DACH2: variants seen among roughly 807,000 people sequenced by gnomAD.
The protein encoded by DACH2 is dachshund family transcription factor 2.
In DACH2, 17 loss-of-function variants were observed where a neutral mutation model predicts 35.8. The ratio of observed to expected loss-of-function variants is 0.48; its 90% CI spans 0.33 to 0.71. The LOEUF (loss-of-function observed/expected upper bound fraction) is 0.71, where lower values mean the gene tolerates loss of function less well. DACH2 is among the 30% of genes least tolerant of loss of function. DACH2 has a pLI of 0.02. For synonymous variants in DACH2, 195 were observed against 177.3 expected (o/e 1.10, Z -0.79); for missense variants, 469 against 472.7 (o/e 0.99, Z 0.07).
chrX:86,327,081 C>T (rs965372556), intron 1 of DACH2, among the ~76,000 whole-genome samples: 3 of 111,308 alleles, frequency 2.7e-5, no homozygotes, highest in African/African-American at 9.8e-5. Context: ...GTAATTACAC[C>T]CACCCTGAGG....
Position 86,148,462 on chromosome X carries a change from A to C in DACH2, c.-159A>C. 1.0e-5 allele frequency: 6 copies of C among 587,076 alleles called. No individual in the cohort carries two copies. The highest frequency in any genetic ancestry group is 1.5e-5 in the Non-Finnish European group (6 of 388,009). The allele number at this position is 587,076 out of a possible 1,213,427, so 48.4% of individuals were successfully genotyped here. ...GGTCGGGGCTGCTCACTGTTTGTTGAGCTTGAGCGTGAGCCGGCTGCTGAA... is the reference window on the plus strand; with the variant it reads ...GGTCGGGGCTGCTCACTGTTTGTTGCGCTTGAGCGTGAGCCGGCTGCTGAA... On this transcript the variant is annotated 5_prime_UTR_variant, in exon 1 of 12. Coordinates refer to ENST00000373125, the MANE Select transcript of DACH2 (RefSeq NM_053281.3).
At chrX:86,693,624 A>G (rs1457808092) in intron 4 of DACH2, among the ~76,000 whole-genome samples, 2 of 112,391 alleles carry the variant, frequency 1.8e-5, no homozygotes, top group African/African-American at 6.5e-5. Context: ...AGGAATGCCA[A>G]TTGGGCCTGA....
chrX:86,547,170 CAGAG>C (rs1289880531), intron 3 of DACH2, among the ~76,000 whole-genome samples: 63 of 111,361 alleles, frequency 5.7e-4, no homozygotes, highest in African/African-American at 2.0e-3. Context: ...TTTGACATGT[CAGAG>C]AGAATCCCGA....
At position 86,451,869 on chromosome X, in the gene DACH2, A is replaced by G. The variant is rs1044246284; in HGVS notation, c.528-62410A>G. ...CTCTTGCCTGTTTGATCTGTCCGGA[A>G]CTTCCAATACTATGTTCAATAAAAG... On this transcript the variant is annotated intron_variant, in intron 2 of 11. Coordinates refer to ENST00000373125, the MANE Select transcript of DACH2 (RefSeq NM_053281.3). 2.7e-5 allele frequency among the ~76,000 whole-genome samples: 3 copies of G among 111,110 alleles called. No individual in the cohort carries two copies. In the Admixed American group the frequency reaches 2.9e-4, roughly 11 times the overall value.
chrX:86,208,049 G>A (rs1473752266), intron 1 of DACH2, among the ~76,000 whole-genome samples: 2 of 110,779 alleles, frequency 1.8e-5, no homozygotes, highest in Non-Finnish European at 3.8e-5. Flanking sequence ...ATCCCAGCAG[G>A]TTAAGCATTT....
At chrX:86,634,868 C>G (rs906619898) in intron 3 of DACH2, among the ~76,000 whole-genome samples, 15 of 111,539 alleles carry the variant, frequency 1.3e-4, no homozygotes, top group African/African-American at 4.9e-4. Flanking sequence ...CTGCCCAAAG[C>G]AATCTACAGA....
In DACH2 at chrX:86,282,774, C is replaced by CTTTTTTTTT. The variant is rs746321715; in HGVS notation, c.489-94037_489-94029dup. ...GGGCAAATGCTATGAACAGACACTT[C>CTTTTTTTTT]TTTTTTTTTTTTTTTTTTTTTGAGA... is the stretch of plus-strand genomic sequence containing the variant. On this transcript the variant is annotated intron_variant, in intron 1 of 11. Transcript: ENST00000373125. Among the ~76,000 whole-genome samples the CTTTTTTTTT allele has an allele frequency of 5.6e-4, 21 of 37,725 alleles. 5 individuals carry two copies. In the African/African-American group the frequency reaches 6.4e-3, roughly 11 times the overall value. 32.8% of individuals were successfully genotyped at this position (37,725 alleles called of 115,157 possible).
chrX:86,475,963 T>C (rs1399048311), intron 2 of DACH2, among the ~76,000 whole-genome samples: 1 of 112,536 alleles, frequency 8.9e-6, no homozygotes, highest in Non-Finnish European at 1.9e-5. Flanking sequence ...ATTCTGTTGA[T>C]ACGATGTACC....
chrX:86,458,315 G>A (rs2037510875), intron 2 of DACH2, among the ~76,000 whole-genome samples: 1 of 111,791 alleles, frequency 8.9e-6, no homozygotes, highest in Admixed American at 9.5e-5. Flanking sequence ...TTCATGATAG[G>A]AATTGTGTCC....
chrX:86,469,407 G>T (rs766472136), intron 2 of DACH2, among the ~76,000 whole-genome samples: 1 of 110,973 alleles, frequency 9.0e-6, no homozygotes, highest in South Asian at 3.8e-4. Flanking sequence ...GATTGATTTA[G>T]CCATTCCCCA....
At chrX:86,711,532 T>C (rs1254915630) in intron 5 of DACH2, among the ~76,000 whole-genome samples, 4 of 112,537 alleles carry the variant, frequency 3.6e-5, no homozygotes, top group Admixed American at 2.8e-4. Flanking sequence ...ACCATGCTAT[T>C]AAAAGGCTAC....
intron 3 of DACH2, among the ~76,000 whole-genome samples, chrX:86,598,300 C>G (rs1190672193): frequency 9.0e-6 from 1 of 111,212 alleles, no homozygotes; most frequent in Non-Finnish European, 1.9e-5. Flanking sequence ...TTTGTCTGTC[C>G]TTAGAGGAGG....
At chrX:86,529,775 A>G (rs1009225606) in intron 3 of DACH2, among the ~76,000 whole-genome samples, 6 of 110,951 alleles carry the variant, frequency 5.4e-5, no homozygotes, top group African/African-American at 2.0e-4. Flanking sequence ...CCCAGCTGTG[A>G]TCAACTTTTT....
In DACH2 at chrX:86,513,065, A is replaced by G. The variant is rs1267870193; in HGVS notation, c.528-1214A>G. 5 of 213,365 alleles carry G rather than the reference A, an allele frequency of 2.3e-5. No homozygotes were observed. In the Admixed American group the frequency reaches 2.7e-4, roughly 11 times the overall value. The allele number at this position is 213,365 out of a possible 1,213,427, so 17.6% of individuals were successfully genotyped here. On this transcript the variant is annotated intron_variant, in intron 2 of 11. Coordinates refer to ENST00000373125, the MANE Select transcript of DACH2 (RefSeq NM_053281.3). ...TGTATGAAAAATGAACTGGGTAACG[A>G]TACCTCCGTGTAAGGTTGCTAGAAG...
chrX:86,429,715 A>G (rs755685542), intron 2 of DACH2, among the ~76,000 whole-genome samples: 97 of 109,965 alleles, frequency 8.8e-4, no homozygotes, highest in African/African-American at 3.0e-3. Flanking sequence ...TGTGTGCACC[A>G]GGACACCCAG....
intron 1 of DACH2, among the ~76,000 whole-genome samples, chrX:86,164,876 C>T (rs1031210447): frequency 1.8e-5 from 2 of 110,992 alleles, no homozygotes; most frequent in Non-Finnish European, 3.8e-5. Context: ...GTGATGCCTC[C>T]GGCTTTGTTC....
intron 7 of DACH2, among the ~76,000 whole-genome samples, chrX:86,771,911 T>C (rs2041991098): frequency 8.9e-6 from 1 of 111,821 alleles, no homozygotes. Flanking sequence ...CAGTGTCTGT[T>C]CTTTTTCAGA....
At position 86,637,206 on chromosome X, in the gene DACH2, CAAAAAAAAAAAAAAAAAAAAAA is replaced by C. The variant is rs772970002; in HGVS notation, c.641-13811_641-13790del. Among the ~76,000 whole-genome samples, 12 of 7,759 alleles carry C rather than the reference CAAAAAAAAAAAAAAAAAAAAAA, an allele frequency of 1.5e-3. No homozygotes were observed. The Admixed American group carries it at 0.022, about 14-fold the overall frequency. The allele number at this position is 7,759 out of a possible 115,157, so 6.7% of individuals were successfully genotyped here. On this transcript the variant is annotated intron_variant, in intron 3 of 11. Coordinates refer to ENST00000373125, the MANE Select transcript of DACH2 (RefSeq NM_053281.3). The stretch of plus-strand genomic sequence containing the variant: ...GTCAGAATGGCTATTACTGAAAAGC[CAAAAAAAAAAAAAAAAAAAAAA>C]AAAAAAAAAAAAAAAAAACAGATGC...
chrX:86,279,770 GA>G, intron 1 of DACH2, among the ~76,000 whole-genome samples: 2 of 109,964 alleles, frequency 1.8e-5, no homozygotes, highest in East Asian at 2.9e-4. Context: ...TAAGAACCTT[GA>G]AAAAGGTTAG....
Sources: allele counts gnomAD v4.1 joint callset (sites outside exome capture counted in the v4.1 genomes callset), GRCh38; gene constraint gnomAD v4.1.1; transcripts MANE v1.5; gene names NCBI Gene and HGNC (gene_info 2026-07-23, HGNC 2026-07-21).